The following RABGAP1L variants were observed in gnomAD, a reference collection of about 807,000 sequenced individuals.
RABGAP1L encodes the protein RAB GTPase activating protein 1 like, also known as rab GTPase-activating protein 1-like.
RABGAP1L carries 63 observed loss-of-function variants against 137.7 expected under a neutral mutation model. That is an observed-to-expected ratio of 0.46 (90% CI 0.37 to 0.56). The LOEUF is 0.56. Among genes scored for constraint, RABGAP1L ranks in the 20% least tolerant of loss-of-function variants. RABGAP1L has a pLI of 0.00. For missense variants in RABGAP1L, 1,095 were observed against 1,244.0 expected (o/e 0.88, Z 1.80); for synonymous variants, 431 against 433.7 (o/e 0.99, Z 0.08).
intron 13 of RABGAP1L, among the ~76,000 whole-genome samples, chr1:174,590,258 G>C (rs1205647470): frequency 1.4e-5 from 2 of 141,418 alleles, no homozygotes; most frequent in Non-Finnish European, 3.0e-5. Context: ...AACAACTTTT[G>C]GTTAAATAAA....
chr1:174,529,828 A>T (rs1362303033), intron 13 of RABGAP1L, among the ~76,000 whole-genome samples: 1 of 151,976 alleles, frequency 6.6e-6, no homozygotes, highest in Non-Finnish European at 1.5e-5. Flanking sequence ...GTGCTTGTAG[A>T]TGTTAGTTGT....
intron 1 of RABGAP1L, among the ~76,000 whole-genome samples, chr1:174,172,176 TTGTGTGTGTGTGTGTGTGTG>T (rs34345014): frequency 1.1e-4 from 14 of 123,582 alleles, no homozygotes; most frequent in African/African-American, 3.7e-4. Context: ...TAATATTCCC[TTGTGTGTGTGTGTGTGTGTG>T]TGTGTGTGTG....
chr1:174,488,692 A>G (rs1206944425), intron 13 of RABGAP1L, among the ~76,000 whole-genome samples: 3 of 151,490 alleles, frequency 2.0e-5, no homozygotes, highest in Non-Finnish European at 4.4e-5. Context: ...TACTCTGTAA[A>G]TCTTCTAGGT....
At position 174,949,200 on chromosome 1, in the gene RABGAP1L, T is replaced by C. The variant is rs537273298; in HGVS notation, c.2341-8257T>C. Among the ~76,000 whole-genome samples the C allele has an allele frequency of 7.2e-4, 110 of 152,320 alleles. 2 individuals are homozygous for C. In the South Asian group the frequency reaches 0.021, roughly 30 times the overall value. The stretch of plus-strand genomic sequence containing the variant: ...AGCAGAGCCAAGTATTTCTCTATCC[T>C]AAGTGCAATAGGAAGCAATTGGAAA... On this transcript the variant is annotated intron_variant, in intron 19 of 25. Transcript: ENST00000681986.
Position 174,498,801 on chromosome 1 carries a change from G to A in RABGAP1L, c.1710+104656G>A, listed in dbSNP as rs187897367. On this transcript the variant is annotated intron_variant, in intron 13 of 25. Coordinates refer to ENST00000681986, the MANE Select transcript of RABGAP1L (RefSeq NM_001366446.1). Reference sequence around the variant, plus strand: ...GCTAGGATTACAGGTGTGAGCCACCGCGCCTGGCCTGAAACAAAATTTTAA... The same window carrying A: ...GCTAGGATTACAGGTGTGAGCCACCACGCCTGGCCTGAAACAAAATTTTAA... Among the ~76,000 whole-genome samples, 124 of 151,692 alleles carry A rather than the reference G, an allele frequency of 8.2e-4. 1 individual carries two copies. In the East Asian group the frequency reaches 0.022, roughly 27 times the overall value.
In RABGAP1L at chr1:174,875,427, A is replaced by G. The variant is rs1243615206; in HGVS notation, c.2340+63467A>G. On this transcript the variant is annotated intron_variant, in intron 19 of 25. Transcript: ENST00000681986. ...GCATAGGCGCTGCTGAACTGCGGTT[A>G]TAACTCTTGTTTGCCCCTGGGTGGT... 6 of 623,076 alleles carry G rather than the reference A, an allele frequency of 9.6e-6. No homozygotes were observed. The East Asian group carries it at 5.6e-4, about 58-fold the overall frequency. 38.6% of individuals were successfully genotyped at this position (623,076 alleles called of 1,614,324 possible).
At chr1:174,708,385 A>G (rs971229819) in intron 17 of RABGAP1L, among the ~76,000 whole-genome samples, 1 of 152,206 alleles carries the variant, frequency 6.6e-6, no homozygotes, top group Non-Finnish European at 1.5e-5. Flanking sequence ...TCTGGTCTGC[A>G]GCTCCCAATG....
chr1:174,744,088 CGT>C (rs1491300288), intron 17 of RABGAP1L, among the ~76,000 whole-genome samples: 2 of 27,106 alleles, frequency 7.4e-5, no homozygotes, highest in African/African-American at 1.7e-4. Context: ...CTGTGAAATA[CGT>C]AAAAAAAAAA....
chr1:174,391,650 A>G (rs1687220425), intron 12 of RABGAP1L, among the ~76,000 whole-genome samples: 1 of 152,108 alleles, frequency 6.6e-6, no homozygotes, highest in African/African-American at 2.4e-5. Context: ...CCAAGAAAGG[A>G]TTCTTTCACA....
chr1:174,252,126 C>T (rs1340728773), intron 6 of RABGAP1L, among the ~76,000 whole-genome samples: 1 of 152,174 alleles, frequency 6.6e-6, no homozygotes, highest in Non-Finnish European at 1.5e-5. Flanking sequence ...AACTCTTGAT[C>T]TCAAGTGATC....
intron 13 of RABGAP1L, among the ~76,000 whole-genome samples, chr1:174,464,662 A>G (rs944138406): frequency 1.3e-5 from 2 of 151,344 alleles, no homozygotes; most frequent in African/African-American, 4.9e-5. Context: ...GACTACCTGG[A>G]TTTTTTTTCT....
intron 10 of RABGAP1L, among the ~76,000 whole-genome samples, chr1:174,283,408 A>C (rs1399070691): frequency 6.6e-6 from 1 of 152,062 alleles, no homozygotes; most frequent in Non-Finnish European, 1.5e-5. Flanking sequence ...CCCCATCTCT[A>C]AAAAATAATA....
chr1:174,207,669 A>T (rs1029525643), intron 1 of RABGAP1L, among the ~76,000 whole-genome samples: 7 of 152,182 alleles, frequency 4.6e-5, no homozygotes, highest in Admixed American at 3.3e-4. Context: ...GTGTGTGTAG[A>T]TACTGTCCTG....
chr1:174,862,250 G>A (rs1003063744), intron 19 of RABGAP1L, among the ~76,000 whole-genome samples: 1 of 152,064 alleles, frequency 6.6e-6, no homozygotes, highest in Non-Finnish European at 1.5e-5. Flanking sequence ...GAGAGATCTA[G>A]TAGTTTCTAA....
At chr1:174,357,648 G>T (rs1417613251) in intron 11 of RABGAP1L, among the ~76,000 whole-genome samples, 1 of 152,136 alleles carries the variant, frequency 6.6e-6, no homozygotes, top group Non-Finnish European at 1.5e-5. Context: ...GGAAGGACTG[G>T]CCAGTTTTCC....
chr1:174,651,772 G>T (rs956293435), intron 14 of RABGAP1L, among the ~76,000 whole-genome samples: 5 of 152,150 alleles, frequency 3.3e-5, no homozygotes, highest in African/African-American at 1.2e-4. Flanking sequence ...ACACTGATAG[G>T]TCTTGACTCT....
chr1:174,229,330 C>T (rs1375899838), intron 3 of RABGAP1L, among the ~76,000 whole-genome samples: 3 of 152,088 alleles, frequency 2.0e-5, no homozygotes, highest in African/African-American at 4.8e-5. Flanking sequence ...TTTGTTTAAT[C>T]CTCATTATTT....
intron 1 of RABGAP1L, among the ~76,000 whole-genome samples, chr1:174,216,663 G>A (rs1202349870): frequency 7.1e-6 from 1 of 139,886 alleles, no homozygotes; most frequent in Non-Finnish European, 1.5e-5. Flanking sequence ...CCACATTTTT[G>A]ACCTATATAA....
chr1:174,517,801 T>C (rs1335402752), intron 13 of RABGAP1L, among the ~76,000 whole-genome samples: 1 of 152,230 alleles, frequency 6.6e-6, no homozygotes, highest in Non-Finnish European at 1.5e-5. Context: ...ACACAGTTGA[T>C]ATTGTTTTGG....
Sources: allele counts gnomAD v4.1 joint callset (sites outside exome capture counted in the v4.1 genomes callset), GRCh38; gene constraint gnomAD v4.1.1; transcripts MANE v1.5; gene names NCBI Gene and HGNC (gene_info 2026-07-23, HGNC 2026-07-21).